The following ADAMTSL1 variants were observed in gnomAD, a reference collection of about 807,000 sequenced individuals.
The protein encoded by ADAMTSL1 is ADAMTS like 1.
ADAMTSL1 carries 126 observed loss-of-function variants against 201.8 expected under a neutral mutation model. That is an observed-to-expected ratio of 0.62 (90% CI 0.54 to 0.72). ADAMTSL1 has a LOEUF of 0.72. Ranked by LOEUF, ADAMTSL1 falls within the 30% of genes least tolerant of loss-of-function variation. ADAMTSL1 has a pLI of 0.00. For synonymous variants in ADAMTSL1, 1,121 were observed against 903.4 expected (o/e 1.24, Z -4.32); for missense variants, 2,679 against 2,277.8 (o/e 1.18, Z -3.59).
chr9:18,666,557 T>C (rs745437062), intron 9 of ADAMTSL1, among the ~76,000 whole-genome samples: 6 of 152,172 alleles, frequency 3.9e-5, no homozygotes, highest in Admixed American at 2.6e-4. Context: ...TGCTTTCCCA[T>C]GTGACTAAGA....
chr9:18,309,356 G>C (rs1303378487), intron 2 of ADAMTSL1, among the ~76,000 whole-genome samples: 1 of 152,114 alleles, frequency 6.6e-6, no homozygotes, highest in Admixed American at 6.5e-5. Flanking sequence ...GCAAGAGAAA[G>C]AAAGAAAGTG....
chr9:18,904,435 C>T (rs1263908047), intron 26 of ADAMTSL1, among the ~76,000 whole-genome samples: 1 of 151,824 alleles, frequency 6.6e-6, no homozygotes, highest in African/African-American at 2.4e-5. Flanking sequence ...CACCACTGCA[C>T]TCTAGCCTGG....
chr9:18,555,384 T>C (rs1460974519), intron 3 of ADAMTSL1, among the ~76,000 whole-genome samples: 1 of 151,986 alleles, frequency 6.6e-6, no homozygotes, highest in Non-Finnish European at 1.5e-5. Context: ...ATTAACAATT[T>C]TTTAAATTTT....
At chr9:18,101,887 T>G (rs2131850390) in intron 1 of ADAMTSL1, among the ~76,000 whole-genome samples, 1 of 152,278 alleles carries the variant, frequency 6.6e-6, no homozygotes, top group Non-Finnish European at 1.5e-5. Flanking sequence ...CACATCAGTG[T>G]TTCTTCTTGG....
At chr9:18,397,104 C>T (rs1817783949) in intron 2 of ADAMTSL1, among the ~76,000 whole-genome samples, 1 of 152,112 alleles carries the variant, frequency 6.6e-6, no homozygotes, top group African/African-American at 2.4e-5. Context: ...GACATTATCA[C>T]TAAGTTTAGG....
chr9:18,706,996 G>A lies in ADAMTSL1; in HGVS notation c.1824G>A (p.Leu608=), dbSNP rs1832272047. The A allele has an allele frequency of 6.2e-7, 1 of 1,613,974 alleles. No individual in the cohort carries two copies. The highest frequency in any genetic ancestry group is 8.5e-7 in the Non-Finnish European group (1 of 1,179,890). The change falls in exon 14 of 29, where the codon CTG becomes CTA. Residue 608 remains leucine, a synonymous_variant. Coordinates refer to ENST00000380548, the MANE Select transcript of ADAMTSL1 (RefSeq NM_001040272.6). ...GTGGCCTGCAGGATTTCGACGAGCTGTATGACTGGGAGTATGAGGGGTTCA... is the reference window on the plus strand; with the variant it reads ...GTGGCCTGCAGGATTTCGACGAGCTATATGACTGGGAGTATGAGGGGTTCA... ...LFGGLQDFDE[L]YDWEYEGFTK... is the part of the protein sequence containing the mutation.
intron 23 of ADAMTSL1, among the ~76,000 whole-genome samples, chr9:18,858,859 T>C (rs1228254490): frequency 6.6e-6 from 1 of 152,218 alleles, no homozygotes; most frequent in Non-Finnish European, 1.5e-5. Context: ...GGGAACTCCA[T>C]AAGCCCTCTA....
intron 2 of ADAMTSL1, among the ~76,000 whole-genome samples, chr9:18,362,701 T>G (rs187460460): frequency 6.6e-6 from 1 of 152,228 alleles, no homozygotes; most frequent in African/African-American, 2.4e-5. Flanking sequence ...GAGGTGCTAA[T>G]TGATAAATCA....
chr9:18,159,143 T>C (rs998125348), intron 1 of ADAMTSL1, among the ~76,000 whole-genome samples: 14 of 152,072 alleles, frequency 9.2e-5, no homozygotes, highest in African/African-American at 3.4e-4. Context: ...GTTTGCATTA[T>C]TATTCTGATC....
At position 18,909,715 on chromosome 9, in the gene ADAMTSL1, C is replaced by G. The variant is rs527855622; in HGVS notation, c.*1167C>G. 1 of 152,344 alleles carries G rather than the reference C, an allele frequency of 6.6e-6. No individual in the cohort carries two copies. Among genetic ancestry groups the G allele is most frequent in the Admixed American group, 6.5e-5 (1 of 15,298 alleles). 9.4% of individuals were successfully genotyped at this position (152,344 alleles called of 1,614,324 possible). ...CTTCATTCCAGAGCTGGCCCAGGGA[C>G]CGGGGTGGGACAATGGGTTTATGCG... On this transcript the variant is annotated 3_prime_UTR_variant, in exon 29 of 29. Coordinates refer to ENST00000380548, the MANE Select transcript of ADAMTSL1 (RefSeq NM_001040272.6).
At chr9:18,855,797 A>G (rs1462651925) in intron 23 of ADAMTSL1, among the ~76,000 whole-genome samples, 2 of 152,210 alleles carry the variant, frequency 1.3e-5, no homozygotes, top group African/African-American at 4.8e-5. Flanking sequence ...AAATTCATTC[A>G]ACGCCCTGTC....
rs10963836 is a variant in ADAMTSL1, at chr9:18,909,387, A to G, written c.*839A>G. Reference sequence around the variant, plus strand: ...GCTGCGTGGGAGTCCCCACTTCCCAAGCTATCAGAGTCAACGTCCTGCCTG... The same window carrying G: ...GCTGCGTGGGAGTCCCCACTTCCCAGGCTATCAGAGTCAACGTCCTGCCTG... On this transcript the variant is annotated 3_prime_UTR_variant, in exon 29 of 29. Coordinates refer to ENST00000380548, the MANE Select transcript of ADAMTSL1 (RefSeq NM_001040272.6). The G allele has an allele frequency of 0.56, 85,162 of 152,206 alleles. 24,180 individuals carry two copies. The highest frequency in any genetic ancestry group is 0.61 in the Admixed American group (9,363 of 15,298). The allele number at this position is 152,206 out of a possible 1,614,324, so 9.4% of individuals were successfully genotyped here. A position where few individuals can be genotyped will look rare whatever the true frequency, so the allele number is the denominator to read the frequency against.
At chr9:18,227,850 T>TAAGGATAC (rs1830489504) in intron 2 of ADAMTSL1, among the ~76,000 whole-genome samples, 1 of 152,310 alleles carries the variant, frequency 6.6e-6, no homozygotes, top group Admixed American at 6.5e-5. Flanking sequence ...CATTGCCCCT[T>TAAGGATAC]AAGGATACTG....
chr9:18,826,275 T>C lies in ADAMTSL1; in HGVS notation c.3935-9T>C, dbSNP rs764641022. The C allele has an allele frequency of 2.0e-5, 32 of 1,581,064 alleles. No homozygotes were observed. The South Asian group carries it at 3.0e-4, about 15-fold the overall frequency. On this transcript the variant is annotated splice_polypyrimidine_tract_variant and intron_variant, in intron 21 of 28. Coordinates refer to ENST00000380548, the MANE Select transcript of ADAMTSL1 (RefSeq NM_001040272.6). ...AGTGGGGTTTTTTGTTTTTTTTTTT[T>C]CTTCCTAGGAGTGCCTGAAGCTGAA... is the stretch of plus-strand genomic sequence containing the variant.
At chr9:18,695,124 C>A (rs1418145869) in intron 13 of ADAMTSL1, among the ~76,000 whole-genome samples, 1 of 152,232 alleles carries the variant, frequency 6.6e-6, no homozygotes, top group African/African-American at 2.4e-5. Flanking sequence ...GGCAGTGGAG[C>A]CCTGGGCCTG....
intron 4 of ADAMTSL1, among the ~76,000 whole-genome samples, chr9:18,598,360 TC>T (rs1824406651): frequency 6.6e-6 from 1 of 152,224 alleles, no homozygotes; most frequent in Admixed American, 6.5e-5. Context: ...TGGCTCCAAG[TC>T]CACTGCTCTT....
intron 9 of ADAMTSL1, among the ~76,000 whole-genome samples, chr9:18,667,413 A>G (rs1449215674): frequency 6.6e-6 from 1 of 152,126 alleles, no homozygotes; most frequent in African/African-American, 2.4e-5. Flanking sequence ...GTCAATGGCA[A>G]TATAGCCTGA....
rs1365552164 is a variant in ADAMTSL1 at position 18,795,408 on chromosome 9, A to G, written c.3689A>G (p.Gln1230Arg). Residue 1230 changes from glutamine to arginine, a missense_variant, in exon 20 of 29, where the codon CAG becomes CGG. By Grantham distance (43) the Gln-to-Arg change is conservative. Transcript: ENST00000380548. ...EVQFSDRILLQPDDSLQILAP... is the reference protein window; with the variant it reads ...EVQFSDRILLRPDDSLQILAP... The stretch of plus-strand genomic sequence containing the variant: ...TTCTGTCGCTCCAGGATTCTTCTAC[A>G]GCCAGATGATTCCTTACAGATCTTG... 6.2e-7 allele frequency: 1 copy of G among 1,613,778 alleles called. No homozygotes were observed. Among genetic ancestry groups the G allele is most frequent in the Non-Finnish European group, 8.5e-7 (1 of 1,179,836 alleles).
chr9:18,102,827 G>A (rs1004594060), intron 1 of ADAMTSL1, among the ~76,000 whole-genome samples: 11 of 152,130 alleles, frequency 7.2e-5, no homozygotes, highest in Non-Finnish European at 1.6e-4. Flanking sequence ...GTGGATACAG[G>A]GAGTTTTCAA....
Sources: allele counts gnomAD v4.1 joint callset (sites outside exome capture counted in the v4.1 genomes callset), GRCh38; gene constraint gnomAD v4.1.1; transcripts MANE v1.5; gene names NCBI Gene and HGNC (gene_info 2026-07-23, HGNC 2026-07-21).